Variants in TOX2 observed in about 807,000 individuals in gnomAD.
The protein encoded by TOX2 is TOX high mobility group box family member 2, also known as granulosa cell HMG box 1.
In TOX2, 15 loss-of-function variants were observed where a neutral mutation model predicts 47.4. The observed-to-expected ratio is 0.32, with a 90% CI of 0.21 to 0.49. The LOEUF is 0.49. TOX2 is among the 20% of genes least tolerant of loss of function. TOX2 has a pLI of 0.99. For synonymous variants in TOX2, 290 were observed against 296.6 expected, an observed-to-expected ratio of 0.98 and a Z score of 0.23; for missense variants, 622 against 673.1, an observed-to-expected ratio of 0.92 and a Z score of 0.84.
At position 44,065,730 on chromosome 20, in the gene TOX2, G is replaced by A. The variant is rs1445806267; in HGVS notation, c.979G>A (p.Glu327Lys). The change falls in exon 7 of 9, where the codon GAG becomes AAG. Residue 327 changes from glutamate to lysine, a missense_variant. This residue lies in a region of TOX2 where 294 missense variants were observed against 300.0 expected (regional missense o/e 0.98). Transcript: ENST00000341197. ...LVSKSSPDQGETKSTQANPPA... is the reference protein window; with the variant it reads ...LVSKSSPDQGKTKSTQANPPA... Reference sequence around the variant, plus strand: ...CTTCCAGAGCTCCCCAGATCAAGGTGAGACCAAGAGCACTCAGGCAAACCC... The same window carrying A: ...CTTCCAGAGCTCCCCAGATCAAGGTAAGACCAAGAGCACTCAGGCAAACCC... 3 of 1,591,746 alleles carry A rather than the reference G, an allele frequency of 1.9e-6. No individual in the cohort carries two copies. Among genetic ancestry groups the A allele is most frequent in the Non-Finnish European group, 2.6e-6 (3 of 1,164,028 alleles).
intron 1 of TOX2, among the ~76,000 whole-genome samples, chr20:43,943,056 G>A (rs946852556): frequency 6.6e-6 from 1 of 152,024 alleles, no homozygotes; most frequent in Non-Finnish European, 1.5e-5. Flanking sequence ...CCTGGAATCC[G>A]GTCTCACAGC....
intron 3 of TOX2, among the ~76,000 whole-genome samples, chr20:44,030,894 C>A (rs1600759058): frequency 6.6e-6 from 1 of 152,156 alleles, no homozygotes. Flanking sequence ...AAGAGAAAAC[C>A]ATTACATTCC....
At chr20:43,956,028 C>G (rs930445359) in intron 1 of TOX2, among the ~76,000 whole-genome samples, 2 of 151,914 alleles carry the variant, frequency 1.3e-5, no homozygotes, top group Non-Finnish European at 2.9e-5. Flanking sequence ...CATGAATGGG[C>G]CCTTCCCTCC....
chr20:44,065,176 G>C (rs2071790801), intron 6 of TOX2, among the ~76,000 whole-genome samples: 1 of 152,198 alleles, frequency 6.6e-6, no homozygotes, highest in South Asian at 2.1e-4. Context: ...CTTCACTTCT[G>C]ACCGCTGATG....
intron 1 of TOX2, among the ~76,000 whole-genome samples, chr20:43,944,320 G>A (rs1031748655): frequency 6.6e-6 from 1 of 152,184 alleles, no homozygotes; most frequent in African/African-American, 2.4e-5. Flanking sequence ...GAACAGAAAC[G>A]ATTGGCTGCA....
intron 1 of TOX2, among the ~76,000 whole-genome samples, chr20:43,950,107 G>C (rs928940543): frequency 6.6e-5 from 10 of 152,128 alleles, no homozygotes; most frequent in Non-Finnish European, 1.5e-4. Flanking sequence ...TTGCTGGATT[G>C]TAAGTGTTCC....
chr20:43,966,901 G>A (rs910821247), intron 1 of TOX2, among the ~76,000 whole-genome samples: 5 of 152,116 alleles, frequency 3.3e-5, no homozygotes, highest in African/African-American at 9.7e-5. Context: ...GGAGTGAAGC[G>A]ATTGCCCAAA....
At chr20:44,048,466 T>C (rs951627273) in intron 3 of TOX2, among the ~76,000 whole-genome samples, 1 of 142,790 alleles carries the variant, frequency 7.0e-6, no homozygotes, top group Non-Finnish European at 1.5e-5. Flanking sequence ...AATAGACCTA[T>C]TAGCCATGAA....
At chr20:43,990,178 C>T (rs927409756) in intron 2 of TOX2, among the ~76,000 whole-genome samples, 2 of 152,152 alleles carry the variant, frequency 1.3e-5, no homozygotes, top group African/African-American at 4.8e-5. Context: ...GATAAGGATA[C>T]CTCTACACAT....
chr20:43,938,787 G>A (rs576872208), intron 1 of TOX2, among the ~76,000 whole-genome samples: 18 of 152,214 alleles, frequency 1.2e-4, no homozygotes, highest in African/African-American at 4.1e-4. Context: ...AAGAGCATTT[G>A]TCGCTCCCTG....
chr20:43,915,567 G>C lies in TOX2; in HGVS notation c.99+577G>C, dbSNP rs1375429321. ...GTCACACACAGCCACCCCCCTGGAC[G>C]GTGAGCCTCAGACACAGATCGTCCT... On this transcript the variant is annotated intron_variant, in intron 1 of 8. Transcript: ENST00000341197. The surrounding 1 kb of genome is among the most constrained non-coding windows in gnomAD (Gnocchi z 7.1). Among the ~76,000 whole-genome samples, 1 of 152,198 alleles carries C rather than the reference G, an allele frequency of 6.6e-6. No homozygotes were observed. Among genetic ancestry groups the C allele is most frequent in the Non-Finnish European group, 1.5e-5 (1 of 68,036 alleles).
At chr20:44,024,298 T>A (rs2071024551) in intron 3 of TOX2, among the ~76,000 whole-genome samples, 1 of 152,200 alleles carries the variant, frequency 6.6e-6, no homozygotes, top group Non-Finnish European at 1.5e-5. Context: ...TACCCAGGGT[T>A]TATCCATCTT....
At chr20:43,946,525 C>T (rs2069474261) in intron 1 of TOX2, among the ~76,000 whole-genome samples, 1 of 152,186 alleles carries the variant, frequency 6.6e-6, no homozygotes, top group Non-Finnish European at 1.5e-5. Flanking sequence ...CCCGAGCTGC[C>T]TCTTCCACTA....
At chr20:44,025,382 C>G (rs1272236812) in intron 3 of TOX2, among the ~76,000 whole-genome samples, 1 of 150,016 alleles carries the variant, frequency 6.7e-6, no homozygotes, top group Non-Finnish European at 1.5e-5. Context: ...GATGGAGTGA[C>G]CTCCTGGGGC....
In TOX2 at chr20:44,051,354, C is replaced by G. The variant is rs1249400354; in HGVS notation, c.460C>G (p.Pro154Ala). The stretch of plus-strand genomic sequence containing the variant: ...AGTGGCTGCCTATGACTCGGGCCGG[C>G]CCGGGCCCCTGCTGGGTCGCCCGGC... ...SEVAAYDSGR[P>A]GPLLGRPAML... The change falls in exon 4 of 9, where the codon CCC (proline) becomes GCC (alanine). Residue 154 changes from proline to alanine, a missense_variant. Around this residue, in one of 3 missense-constraint regions of TOX2, gnomAD observed 307 missense variants for 327.3 expected, o/e 0.94. Transcript: ENST00000341197. 13 of 1,613,624 alleles carry G rather than the reference C, an allele frequency of 8.1e-6. No homozygotes were observed. Among genetic ancestry groups the G allele is most frequent in the Non-Finnish European group, 1.1e-5 (13 of 1,179,696 alleles).
At chr20:44,058,729 C>T (rs951878377) in intron 5 of TOX2, among the ~76,000 whole-genome samples, 1 of 152,174 alleles carries the variant, frequency 6.6e-6, no homozygotes, top group African/African-American at 2.4e-5. Context: ...GGACTCTTTG[C>T]AGACACTCCC....
intron 3 of TOX2, among the ~76,000 whole-genome samples, chr20:44,041,812 G>A (rs991140009): frequency 6.6e-6 from 1 of 152,154 alleles, no homozygotes; most frequent in Non-Finnish European, 1.5e-5. Context: ...CAGTGTGCAG[G>A]CTCGAATCTA....
intron 7 of TOX2, among the ~76,000 whole-genome samples, chr20:44,066,509 G>T (rs2071824595): frequency 1.3e-5 from 2 of 152,220 alleles, no homozygotes; most frequent in Admixed American, 6.5e-5. Context: ...GGCCCAGAAA[G>T]GGAAAGGCCC....
At chr20:43,927,434 T>C (rs2069182505) in intron 1 of TOX2, among the ~76,000 whole-genome samples, 1 of 151,064 alleles carries the variant, frequency 6.6e-6, no homozygotes, top group African/African-American at 2.4e-5. Context: ...TTCCACACTG[T>C]GTACATTTTC....
Sources: gnomAD v4.1 joint callset for allele counts (sites outside exome capture counted in the v4.1 genomes callset) on GRCh38, gnomAD v4.1.1 for gene constraint, gnomAD v4.1.1 regional missense constraint, Gnocchi (gnomAD v3.1) non-coding constraint, MANE v1.5 for transcripts, NCBI Gene and HGNC (gene_info 2026-07-23, HGNC 2026-07-21) for gene names.